CSNK2A2IP: variants seen among roughly 807,000 people sequenced by gnomAD.
CSNK2A2IP encodes the protein casein kinase II subunit alpha'-interacting protein.
chr3:88,360,661 GTTCAATTTATA>G, the CSNK2A2IP span, among the ~76,000 whole-genome samples: 1 of 151,968 alleles, frequency 6.6e-6, no homozygotes, highest in Admixed American at 6.6e-5. Context: ...GAATAATTTA[GTTCAATTTATA>G]TTCAATGTTA....
At chr3:88,363,893 C>T in the CSNK2A2IP span, among the ~76,000 whole-genome samples, 3 of 152,284 alleles carry the variant, frequency 2.0e-5, no homozygotes, top group East Asian at 5.8e-4. Flanking sequence ...TGTGTTAGTG[C>T]TAGGGCATTG....
chr3:88,442,860 T>C, the CSNK2A2IP span, among the ~76,000 whole-genome samples: 3 of 151,916 alleles, frequency 2.0e-5, no homozygotes, highest in Non-Finnish European at 4.4e-5. Flanking sequence ...TGTCCCTTAA[T>C]ATAAAGAAGA....
the CSNK2A2IP span, among the ~76,000 whole-genome samples, chr3:88,415,409 A>G: frequency 6.6e-6 from 1 of 152,050 alleles, no homozygotes; most frequent in African/African-American, 2.4e-5. Flanking sequence ...TGAGGATGGT[A>G]TCACATTATA....
At chr3:88,450,787 A>G in the CSNK2A2IP span, among the ~76,000 whole-genome samples, 5 of 152,082 alleles carry the variant, frequency 3.3e-5, no homozygotes, top group Admixed American at 2.6e-4. Flanking sequence ...CAGCTTTGCT[A>G]TTGTAAATAA....
chr3:88,418,242 T>G, the CSNK2A2IP span, among the ~76,000 whole-genome samples: 1 of 152,136 alleles, frequency 6.6e-6, no homozygotes, highest in African/African-American at 2.4e-5. Context: ...AGAGGTATTT[T>G]GATGAAAGCC....
At chr3:88,400,844 A>G in the CSNK2A2IP span, among the ~76,000 whole-genome samples, 1 of 152,236 alleles carries the variant, frequency 6.6e-6, no homozygotes, top group African/African-American at 2.4e-5. Context: ...TATATAAGCA[A>G]CAAGAAACTA....
the CSNK2A2IP span, chr3:88,465,522 A>G: frequency 2.2e-5 from 27 of 1,231,578 alleles, no homozygotes; most frequent in Admixed American, 8.4e-5. Context: ...ACTTTGCAGT[A>G]CCTCCACTGG....
the CSNK2A2IP span, among the ~76,000 whole-genome samples, chr3:88,357,919 G>T: frequency 4.6e-5 from 7 of 152,038 alleles, no homozygotes; most frequent in Admixed American, 2.6e-4. Flanking sequence ...TAGAGATGGG[G>T]TTTCACCATG....
the CSNK2A2IP span, among the ~76,000 whole-genome samples, chr3:88,395,086 T>A: frequency 6.6e-6 from 1 of 152,262 alleles, no homozygotes; most frequent in Non-Finnish European, 1.5e-5. Context: ...TTTGTGTGCA[T>A]GTGTGTTTAA....
the CSNK2A2IP span, among the ~76,000 whole-genome samples, chr3:88,426,993 C>A: frequency 0.81 from 123,298 of 151,896 alleles, 50,711 homozygotes; most frequent in Non-Finnish European, 0.88. Flanking sequence ...GAGGGCTCAG[C>A]AGAAGAAAGA....
chr3:88,422,399 T>C, the CSNK2A2IP span, among the ~76,000 whole-genome samples: 1 of 152,136 alleles, frequency 6.6e-6, no homozygotes, highest in African/African-American at 2.4e-5. Context: ...GAATACTCAG[T>C]AGTATTTGTT....
chr3:88,408,838 G>GC, the CSNK2A2IP span, among the ~76,000 whole-genome samples: 1 of 146,306 alleles, frequency 6.8e-6, no homozygotes. Context: ...TTGTTTTAAT[G>GC]TTTTTTTTTT....
At chr3:88,419,671 G>C in the CSNK2A2IP span, among the ~76,000 whole-genome samples, 1 of 152,108 alleles carries the variant, frequency 6.6e-6, no homozygotes, top group South Asian at 2.1e-4. Flanking sequence ...AGTTCTTTGA[G>C]AAAAGGAAGT....
At chr3:88,396,260 C>T in the CSNK2A2IP span, among the ~76,000 whole-genome samples, 4 of 151,706 alleles carry the variant, frequency 2.6e-5, no homozygotes, top group African/African-American at 4.8e-5. Context: ...CGCCCGCCAC[C>T]TCGCCCGGCT....
chr3:88,443,155 A>T, the CSNK2A2IP span, among the ~76,000 whole-genome samples: 1 of 152,168 alleles, frequency 6.6e-6, no homozygotes, highest in Non-Finnish European at 1.5e-5. Flanking sequence ...TTTCTTATGC[A>T]CATTCAGTAC....
At chr3:88,438,832 A>C in the CSNK2A2IP span, among the ~76,000 whole-genome samples, 121,527 of 151,616 alleles carry the variant, frequency 0.8, 49,596 homozygotes, top group Non-Finnish European at 0.88. Context: ...GTTGTCTTTA[A>C]TTATTAAGAG....
At chr3:88,404,114 A>G in the CSNK2A2IP span, among the ~76,000 whole-genome samples, 1 of 152,112 alleles carries the variant, frequency 6.6e-6, no homozygotes, top group South Asian at 2.1e-4. Context: ...CAGAAAAAAA[A>G]AAAGTTGAAG....
chr3:88,418,607 C>T, the CSNK2A2IP span, among the ~76,000 whole-genome samples: 1 of 152,024 alleles, frequency 6.6e-6, no homozygotes, highest in Non-Finnish European at 1.5e-5. Context: ...AAGTAAAACC[C>T]TTTCATTAAA....
At chr3:88,381,113 C>A in the CSNK2A2IP span, among the ~76,000 whole-genome samples, 1 of 152,186 alleles carries the variant, frequency 6.6e-6, no homozygotes, top group Non-Finnish European at 1.5e-5. Flanking sequence ...GTGGCTTGCA[C>A]TTATGCCAAG....
Sources: gnomAD v4.1 joint callset for allele counts (sites outside exome capture counted in the v4.1 genomes callset) on GRCh38, gnomAD v4.1.1 for gene constraint, MANE v1.5 for transcripts, NCBI Gene and HGNC (gene_info 2026-07-23, HGNC 2026-07-21) for gene names.